NBEA: variants seen among roughly 807,000 people sequenced by gnomAD.
NBEA encodes the protein lysosomal-trafficking regulator 2.
NBEA carries 44 observed loss-of-function variants against 343.4 expected under a neutral mutation model. The ratio of observed to expected loss-of-function variants is 0.13; its 90% confidence interval spans 0.10 to 0.16. The LOEUF (loss-of-function observed/expected upper bound fraction) is 0.16, where lower values mean the gene tolerates loss of function less well. Ranked by LOEUF, NBEA falls within the 10% of genes least tolerant of loss-of-function variation. NBEA has a pLI of 1.00. For synonymous variants in NBEA, 1,175 were observed against 1,238.7 expected (o/e 0.95, Z 1.08); for missense variants, 2,555 against 3,631.3 (o/e 0.70, Z 7.62).
Position 35,651,881 on chromosome 13 carries a change from G to A in NBEA, c.8035+5G>A, listed in dbSNP as rs776420011. The stretch of plus-strand genomic sequence containing the variant: ...TTGAAATGGATCCATTAATAGGTAT[G>A]TTAATAAAAAAGAATAAATTTTCAT... On this transcript the variant is annotated splice_donor_5th_base_variant and intron_variant, in intron 53 of 58. Transcript: ENST00000379939. 31 of 1,502,452 alleles carry A rather than the reference G, an allele frequency of 2.1e-5. No homozygotes were observed. Among genetic ancestry groups the A allele is most frequent in the Non-Finnish European group, 2.5e-5 (28 of 1,102,764 alleles). The allele number at this position is 1,502,452 out of a possible 1,614,324, so 93.1% of individuals were successfully genotyped here.
intron 30 of NBEA, 120 bp from the exon 31 acceptor site, chr13:35,195,744 T>G (rs2072545878): frequency 1.2e-6 from 1 of 851,374 alleles, no homozygotes; most frequent in Non-Finnish European, 1.8e-6. Context: ...CACATCCGTT[T>G]AGCAATTTTT....
intron 27 of NBEA, among the ~76,000 whole-genome samples, chr13:35,176,105 T>C (rs1309358614): frequency 2.0e-5 from 3 of 152,116 alleles, no homozygotes; most frequent in Non-Finnish European, 2.9e-5. Flanking sequence ...CCGATGGTCA[T>C]ATAGCCAGAA....
At chr13:35,039,859 C>G (rs2062585211) in intron 1 of NBEA, among the ~76,000 whole-genome samples, 1 of 151,918 alleles carries the variant, frequency 6.6e-6, no homozygotes, top group African/African-American at 2.4e-5. Context: ...TATTTTATGT[C>G]TTCCTTCATG....
At chr13:35,096,890 T>C (rs2065361916) in intron 10 of NBEA, among the ~76,000 whole-genome samples, 1 of 151,952 alleles carries the variant, frequency 6.6e-6, no homozygotes, top group Non-Finnish European at 1.5e-5. Flanking sequence ...TTGGTAGTTG[T>C]ATTTTTCTTG....
chr13:35,350,556 A>G (rs777287637), intron 37 of NBEA, among the ~76,000 whole-genome samples: 16 of 152,104 alleles, frequency 1.1e-4, no homozygotes, highest in Middle Eastern at 3.2e-3. Flanking sequence ...CCAAGGTGAT[A>G]AGAGGTTTCC....
chr13:35,104,645 T>A (rs2065826466), intron 11 of NBEA, among the ~76,000 whole-genome samples: 1 of 131,486 alleles, frequency 7.6e-6, no homozygotes, highest in South Asian at 2.3e-4. Flanking sequence ...ATTTCTTAAC[T>A]AATAACAGGT....
At chr13:35,152,794 T>C (rs1381333266) in intron 18 of NBEA, among the ~76,000 whole-genome samples, 1 of 152,060 alleles carries the variant, frequency 6.6e-6, no homozygotes, top group Non-Finnish European at 1.5e-5. Flanking sequence ...CTGGTATGAA[T>C]TGAGATGTGC....
chr13:35,531,652 T>C (rs1436266447), intron 41 of NBEA, among the ~76,000 whole-genome samples: 1 of 152,220 alleles, frequency 6.6e-6, no homozygotes, highest in East Asian at 1.9e-4. Flanking sequence ...ATCTGGAGTA[T>C]TACTGAGAGA....
intron 48 of NBEA, among the ~76,000 whole-genome samples, chr13:35,621,547 G>A (rs1295593985): frequency 6.6e-6 from 1 of 151,932 alleles, no homozygotes; most frequent in African/African-American, 2.4e-5. Flanking sequence ...GTTTTTGTTG[G>A]TCTCCTCCCA....
At chr13:35,045,552 A>T (rs2152561044) in intron 4 of NBEA, among the ~76,000 whole-genome samples, 151 bp downstream of exon 4, 1 of 152,242 alleles carries the variant, frequency 6.6e-6, no homozygotes, top group African/African-American at 2.4e-5. Context: ...TAATGATTTG[A>T]ACAATTTCAT....
At chr13:35,142,605 T>C (rs1293780288) in intron 18 of NBEA, among the ~76,000 whole-genome samples, 1 of 152,206 alleles carries the variant, frequency 6.6e-6, no homozygotes, top group Non-Finnish European at 1.5e-5. Flanking sequence ...GCTTTTCTTC[T>C]TGTATGGGTT....
intron 1 of NBEA, among the ~76,000 whole-genome samples, chr13:34,970,591 C>A (rs1320559313): frequency 6.6e-6 from 1 of 152,162 alleles, no homozygotes; most frequent in Non-Finnish European, 1.5e-5. Context: ...TTTCCATCTT[C>A]TGCATATGGC....
chr13:35,261,114 C>A (rs2033170628), intron 34 of NBEA, among the ~76,000 whole-genome samples: 1 of 152,096 alleles, frequency 6.6e-6, no homozygotes, highest in Non-Finnish European at 1.5e-5. Context: ...AAATGAAGCA[C>A]ATTACTGAAA....
chr13:35,389,773 G>C (rs2042409193), intron 38 of NBEA, among the ~76,000 whole-genome samples: 1 of 152,092 alleles, frequency 6.6e-6, no homozygotes, highest in African/African-American at 2.4e-5. Flanking sequence ...TATAATGGCA[G>C]TTTATTGGAT....
chr13:35,664,972 T>A (rs997026112), intron 55 of NBEA, 113 bp from the exon 56 acceptor site: 54 of 733,006 alleles, frequency 7.4e-5, no homozygotes, highest in Non-Finnish European at 2.3e-5. Flanking sequence ...GTCACACAGC[T>A]TAATAATAAT....
At chr13:35,374,863 T>C (rs528153732) in intron 38 of NBEA, among the ~76,000 whole-genome samples, 5 of 152,184 alleles carry the variant, frequency 3.3e-5, no homozygotes, top group Admixed American at 6.5e-5. Flanking sequence ...CTCACTGTTA[T>C]AACAGTGAGA....
chr13:35,528,812 A>G (rs2078110615), intron 41 of NBEA, among the ~76,000 whole-genome samples: 1 of 152,146 alleles, frequency 6.6e-6, no homozygotes, highest in East Asian at 1.9e-4. Flanking sequence ...ATATCTTCTT[A>G]TGTTCATTAA....
At chr13:35,645,142 G>A (rs969738597) in intron 49 of NBEA, among the ~76,000 whole-genome samples, 3 of 152,112 alleles carry the variant, frequency 2.0e-5, no homozygotes, top group South Asian at 2.1e-4. Flanking sequence ...TGTAGATAGC[G>A]ATGAGATTAG....
chr13:35,199,956 T>A (rs2072901586), intron 31 of NBEA, among the ~76,000 whole-genome samples: 1 of 152,058 alleles, frequency 6.6e-6, no homozygotes, highest in Non-Finnish European at 1.5e-5. Flanking sequence ...CGAACAGATG[T>A]GTACTCATGA....
Sources: allele counts gnomAD v4.1 joint callset (sites outside exome capture counted in the v4.1 genomes callset), GRCh38; gene constraint gnomAD v4.1.1; transcripts MANE v1.5; gene names NCBI Gene and HGNC (gene_info 2026-07-23, HGNC 2026-07-21).